SHQ1: variants seen among roughly 807,000 people sequenced by gnomAD.
The protein encoded by SHQ1 is SHQ1, H/ACA ribonucleoprotein assembly factor, also known as protein SHQ1 homolog.
Under a neutral mutation model 53.8 loss-of-function variants are expected in SHQ1, and 49 were observed. That is an observed-to-expected ratio of 0.91 (90% CI 0.72 to 1.16). SHQ1 has a LOEUF of 1.16. Among genes scored for constraint, SHQ1 ranks in the 50% most tolerant of loss-of-function variants. SHQ1 has a pLI of 0.00. For missense variants in SHQ1, 738 were observed against 683.1 expected (o/e 1.08, Z -0.90); for synonymous variants, 243 against 251.0 (o/e 0.97, Z 0.30).
chr3:72,846,852 A>T (rs1708347291), intron 1 of SHQ1, among the ~76,000 whole-genome samples: 1 of 152,236 alleles, frequency 6.6e-6, no homozygotes, highest in Non-Finnish European at 1.5e-5. Flanking sequence ...AACAAATGAG[A>T]TAATCCGTAT....
chr3:72,760,736 C>A (rs932519122), intron 10 of SHQ1, among the ~76,000 whole-genome samples: 8 of 152,080 alleles, frequency 5.3e-5, no homozygotes, highest in Non-Finnish European at 8.8e-5. Flanking sequence ...CTACTTAATT[C>A]CTATGGAGAA....
At chr3:72,815,826 G>T (rs975713494) in intron 7 of SHQ1, among the ~76,000 whole-genome samples, 6 of 152,166 alleles carry the variant, frequency 3.9e-5, no homozygotes, top group Admixed American at 3.3e-4. Flanking sequence ...TAGAAAATTT[G>T]ATCTTTCAGA....
chr3:72,775,292 T>G lies in SHQ1; in HGVS notation c.1181+17624A>C, dbSNP rs536720432. ...ACAGATAAGAGCAAATAAAAACAACTCTATGCCAGAAAGTTTGAAAATTTA... is the reference window on the plus strand; with the variant it reads ...ACAGATAAGAGCAAATAAAAACAACGCTATGCCAGAAAGTTTGAAAATTTA... On this transcript the variant is annotated intron_variant, in intron 10 of 10. Coordinates refer to ENST00000325599, the MANE Select transcript of SHQ1 (RefSeq NM_018130.3). 5.9e-5 allele frequency among the ~76,000 whole-genome samples: 9 copies of G among 151,936 alleles called. No homozygotes were observed. In the East Asian group the frequency reaches 1.5e-3, roughly 26 times the overall value.
chr3:72,727,007 A>G, the SHQ1 span, among the ~76,000 whole-genome samples: 1 of 152,182 alleles, frequency 6.6e-6, no homozygotes, highest in Non-Finnish European at 1.5e-5. Flanking sequence ...AAACAGTCAC[A>G]ATTTAGTGCT....
intron 9 of SHQ1, among the ~76,000 whole-genome samples, chr3:72,798,624 C>G (rs140082013): frequency 6.6e-6 from 1 of 152,200 alleles, no homozygotes; most frequent in Admixed American, 6.5e-5. Flanking sequence ...GTTAATACAT[C>G]TTAATACAAA....
At chr3:72,735,759 AGGC>A in the SHQ1 span, among the ~76,000 whole-genome samples, 14 of 78,756 alleles carry the variant, frequency 1.8e-4, no homozygotes, top group Non-Finnish European at 3.4e-4. Flanking sequence ...GAAGGCAGGC[AGGC>A]AGGCAGGCAG....
intron 9 of SHQ1, among the ~76,000 whole-genome samples, chr3:72,806,008 T>G (rs543660797): frequency 1.8e-4 from 27 of 150,202 alleles, no homozygotes; most frequent in Admixed American, 7.9e-4. Context: ...TGGAGATGAC[T>G]AGAACTTGAT....
intron 6 of SHQ1, among the ~76,000 whole-genome samples, chr3:72,817,787 G>A (rs1160879145): frequency 6.6e-6 from 1 of 151,816 alleles, no homozygotes; most frequent in Non-Finnish European, 1.5e-5. Flanking sequence ...CAAGAAATAG[G>A]AATACTCCCA....
rs746755221 is a variant in SHQ1, at chr3:72,841,120, T to C, written c.411A>G (p.Val137=). The C allele has an allele frequency of 6.2e-7, 1 of 1,614,130 alleles. No individual in the cohort carries two copies. Among genetic ancestry groups the C allele is most frequent in the Non-Finnish European group, 8.5e-7 (1 of 1,179,994 alleles). The part of the protein sequence containing the change: ...WEIEQTPCEE[V]SESALNPQCH... Reference sequence around the variant, plus strand: ...ACTGCGGATTCAAAGCACTTTCTGATACCTCTTCACAGGGTGTCTGCTCAA... The same window carrying C: ...ACTGCGGATTCAAAGCACTTTCTGACACCTCTTCACAGGGTGTCTGCTCAA... Residue 137 remains valine (V), a synonymous_variant, in exon 4 of 11, where the codon GTA becomes GTG. Coordinates refer to ENST00000325599, the MANE Select transcript of SHQ1 (RefSeq NM_018130.3).
intron 4 of SHQ1, among the ~76,000 whole-genome samples, chr3:72,837,531 G>C (rs1333126457): frequency 1.3e-5 from 2 of 152,050 alleles, no homozygotes; most frequent in Non-Finnish European, 2.9e-5. Flanking sequence ...TTCATCTACA[G>C]GGGGAGGAAA....
chr3:72,825,350 C>T (rs148799803), intron 5 of SHQ1, among the ~76,000 whole-genome samples: 5 of 139,620 alleles, frequency 3.6e-5, no homozygotes, highest in Admixed American at 2.1e-4. Context: ...CACAAAGAGG[C>T]TAAAAGGGGC....
At chr3:72,830,741 G>C (rs1707798996) in intron 5 of SHQ1, among the ~76,000 whole-genome samples, 1 of 152,062 alleles carries the variant, frequency 6.6e-6, no homozygotes. Flanking sequence ...AACCATTCTT[G>C]TAAGAACAGT....
chr3:72,832,947 C>T (rs557138901), intron 4 of SHQ1, among the ~76,000 whole-genome samples: 1 of 152,078 alleles, frequency 6.6e-6, no homozygotes, highest in Non-Finnish European at 1.5e-5. Flanking sequence ...ATTGAATATC[C>T]CTTATACAAA....
chr3:72,813,840 T>G (rs889748981), intron 8 of SHQ1, among the ~76,000 whole-genome samples: 21 of 149,572 alleles, frequency 1.4e-4, no homozygotes, highest in African/African-American at 5.1e-4. Context: ...CTTTTTTTTT[T>G]TTTTTTTGCA....
At chr3:72,807,339 A>T (rs1349354753) in intron 9 of SHQ1, among the ~76,000 whole-genome samples, 1 of 152,206 alleles carries the variant, frequency 6.6e-6, no homozygotes, top group Admixed American at 6.5e-5. Flanking sequence ...TAGAACTATT[A>T]TATCTTCAGG....
intron 10 of SHQ1, among the ~76,000 whole-genome samples, chr3:72,754,012 G>T (rs972279622): frequency 2.0e-5 from 3 of 152,096 alleles, no homozygotes; most frequent in African/African-American, 4.8e-5. Flanking sequence ...TGGGAAAGTG[G>T]ATACTGCCTC....
intron 10 of SHQ1, among the ~76,000 whole-genome samples, chr3:72,778,945 A>C (rs1295725059): frequency 6.6e-6 from 1 of 152,174 alleles, no homozygotes; most frequent in African/African-American, 2.4e-5. Context: ...AATCCATTTG[A>C]GTTCCTAAAA....
intron 10 of SHQ1, among the ~76,000 whole-genome samples, chr3:72,763,919 A>G (rs1358126401): frequency 6.6e-6 from 1 of 152,140 alleles, no homozygotes; most frequent in Non-Finnish European, 1.5e-5. Flanking sequence ...AGCCTTAGGA[A>G]ATGAATATAG....
At chr3:72,838,642 G>C (rs1708068201) in intron 4 of SHQ1, among the ~76,000 whole-genome samples, 2 of 152,170 alleles carry the variant, frequency 1.3e-5, no homozygotes, top group Non-Finnish European at 2.9e-5. Flanking sequence ...TGGGATTACA[G>C]GCATGCGCCA....
Sources: gnomAD v4.1 joint callset for allele counts (sites outside exome capture counted in the v4.1 genomes callset) on GRCh38, gnomAD v4.1.1 for gene constraint, MANE v1.5 for transcripts, NCBI Gene and HGNC (gene_info 2026-07-23, HGNC 2026-07-21) for gene names.